The following LURAP1L variants were observed in gnomAD, a reference collection of about 807,000 sequenced individuals.
The protein encoded by LURAP1L is leucine rich adaptor protein 1 like.
Under a neutral mutation model 13.8 loss-of-function variants are expected in LURAP1L, and 12 were observed. That is an observed-to-expected ratio of 0.87 (90% CI 0.56 to 1.41). The LOEUF (loss-of-function observed/expected upper bound fraction) is 1.41, where lower values mean the gene tolerates loss of function less well. Ranked by LOEUF, LURAP1L falls within the 40% of genes most tolerant of loss-of-function variation. LURAP1L has a pLI of 0.00. For missense variants in LURAP1L, 375 were observed against 292.9 expected, an observed-to-expected ratio of 1.28 and a Z score of -2.04; for synonymous variants, 139 against 119.2, an observed-to-expected ratio of 1.17 and a Z score of -1.08.
chr9:12,799,222 C>G (rs1193845919), intron 1 of LURAP1L, among the ~76,000 whole-genome samples: 1 of 152,174 alleles, frequency 6.6e-6, no homozygotes, highest in Non-Finnish European at 1.5e-5. Flanking sequence ...GAACGCAGTA[C>G]TCTGACTCCA....
intron 1 of LURAP1L, among the ~76,000 whole-genome samples, chr9:12,807,755 T>C (rs1055136477): frequency 1.3e-5 from 2 of 148,768 alleles, no homozygotes; most frequent in African/African-American, 2.5e-5. Flanking sequence ...TCATTCATTC[T>C]TACTTTTTTC....
intron 1 of LURAP1L, among the ~76,000 whole-genome samples, chr9:12,805,857 G>T (rs1265143614): frequency 6.6e-6 from 1 of 152,144 alleles, no homozygotes; most frequent in East Asian, 1.9e-4. Context: ...TTGTGATCCA[G>T]TAGCAGTTGT....
chr9:12,783,654 T>A (rs896595178), intron 1 of LURAP1L, among the ~76,000 whole-genome samples: 71 of 152,228 alleles, frequency 4.7e-4, no homozygotes, highest in African/African-American at 1.6e-3. Flanking sequence ...GATATTGGCC[T>A]ATACTTTCTC....
chr9:12,817,990 C>G (rs1458164180), intron 1 of LURAP1L, among the ~76,000 whole-genome samples: 3 of 152,036 alleles, frequency 2.0e-5, no homozygotes, highest in Non-Finnish European at 4.4e-5. Flanking sequence ...AAGCTGTTTA[C>G]TCTCTCCCGG....
chr9:12,799,031 T>C (rs1480200655), intron 1 of LURAP1L, among the ~76,000 whole-genome samples: 1 of 152,192 alleles, frequency 6.6e-6, no homozygotes, highest in Non-Finnish European at 1.5e-5. Context: ...AAAATGTTCA[T>C]AGAATATGAA....
intron 1 of LURAP1L, among the ~76,000 whole-genome samples, chr9:12,789,610 G>T (rs1277262341): frequency 6.6e-6 from 1 of 152,110 alleles, no homozygotes; most frequent in Non-Finnish European, 1.5e-5. Context: ...TTGACTCTAT[G>T]ATTTTAGTCA....
Position 12,775,520 on chromosome 9 carries a change from T to C in LURAP1L, c.-196T>C, listed in dbSNP as rs1819156525. The C allele has an allele frequency of 5.3e-6, 4 of 755,454 alleles. No individual in the cohort carries two copies. In the African/African-American group the frequency reaches 5.5e-5, roughly 10 times the overall value. 46.8% of individuals were successfully genotyped at this position (755,454 alleles called of 1,614,324 possible). ...GTCGCAGCGGACTGGGAACTGCAGC[T>C]GCGACCCCCCGCGTCCTGTGCGGAT... On this transcript the variant is annotated 5_prime_UTR_variant, in exon 1 of 2. Coordinates refer to ENST00000319264, the MANE Select transcript of LURAP1L (RefSeq NM_203403.2).
chr9:12,821,873 G>GCTGAT lies in LURAP1L; in HGVS notation c.*114_*118dup. ...TAATAAGATGACCTTTTTAAAAGAA[G>GCTGAT]CTGATTTTGAAACTGCTTAATGGTA... On this transcript the variant is annotated 3_prime_UTR_variant, in exon 2 of 2. Coordinates refer to ENST00000319264, the MANE Select transcript of LURAP1L (RefSeq NM_203403.2). 7.5e-7 allele frequency: 1 copy of GCTGAT among 1,335,466 alleles called. No homozygotes were observed. The highest frequency in any genetic ancestry group is 1.0e-6 in the Non-Finnish European group (1 of 983,954). 82.7% of individuals were successfully genotyped at this position (1,335,466 alleles called of 1,614,324 possible).
intron 1 of LURAP1L, among the ~76,000 whole-genome samples, chr9:12,813,460 G>A (rs1474597663): frequency 1.3e-5 from 2 of 151,996 alleles, no homozygotes. Flanking sequence ...TTATGTTTAA[G>A]GACATTCTAT....
Position 12,821,910 on chromosome 9 carries a change from C to G in LURAP1L, c.*150C>G. ...ACTGCTTAATGGTATTGCTGTTGCTCCTAATACTTCTCATCTGAGCTGATT... is the reference window on the plus strand; with the variant it reads ...ACTGCTTAATGGTATTGCTGTTGCTGCTAATACTTCTCATCTGAGCTGATT... On this transcript the variant is annotated 3_prime_UTR_variant, in exon 2 of 2. Coordinates refer to ENST00000319264, the MANE Select transcript of LURAP1L (RefSeq NM_203403.2). The G allele has an allele frequency of 3.7e-6, 3 of 817,374 alleles. No homozygotes were observed. Among genetic ancestry groups the G allele is most frequent in the Non-Finnish European group, 5.7e-6 (3 of 525,144 alleles). The allele number at this position is 817,374 out of a possible 1,614,324, so 50.6% of individuals were successfully genotyped here. A position where few individuals can be genotyped will look rare whatever the true frequency, so the allele number is the denominator to read the frequency against.
intron 1 of LURAP1L, among the ~76,000 whole-genome samples, chr9:12,800,778 C>A (rs550535652): frequency 6.6e-5 from 10 of 152,276 alleles, no homozygotes; most frequent in African/African-American, 2.4e-4. Context: ...CAGCATCATG[C>A]TTCCTATATA....
At chr9:12,799,688 G>A (rs916571643) in intron 1 of LURAP1L, among the ~76,000 whole-genome samples, 1 of 152,096 alleles carries the variant, frequency 6.6e-6, no homozygotes, top group Non-Finnish European at 1.5e-5. Context: ...AGACCACTGT[G>A]GCTAACATGG....
chr9:12,800,381 A>G (rs1479317510), intron 1 of LURAP1L, among the ~76,000 whole-genome samples: 2 of 152,188 alleles, frequency 1.3e-5, no homozygotes, highest in Non-Finnish European at 2.9e-5. Context: ...CCAAGAGTTA[A>G]TTAGTAGAAG....
chr9:12,785,502 G>A (rs1586875954), intron 1 of LURAP1L, among the ~76,000 whole-genome samples: 1 of 152,130 alleles, frequency 6.6e-6, no homozygotes, highest in Admixed American at 6.6e-5. Flanking sequence ...GAGCACTTTA[G>A]CCTGCAGTGT....
intron 1 of LURAP1L, among the ~76,000 whole-genome samples, chr9:12,811,352 T>C (rs893368323): frequency 2.0e-5 from 3 of 152,206 alleles, no homozygotes; most frequent in Non-Finnish European, 2.9e-5. Context: ...CCTCAGGTTA[T>C]AGGGGATATA....
At chr9:12,793,171 C>T (rs1819467109) in intron 1 of LURAP1L, among the ~76,000 whole-genome samples, 1 of 151,954 alleles carries the variant, frequency 6.6e-6, no homozygotes, top group African/African-American at 2.4e-5. Context: ...CATCCCCCTC[C>T]CTCCAATTAT....
At chr9:12,797,385 A>C (rs776002129) in intron 1 of LURAP1L, among the ~76,000 whole-genome samples, 1 of 152,172 alleles carries the variant, frequency 6.6e-6, no homozygotes. Context: ...GCACACACAA[A>C]ATGTTAGGAG....
At chr9:12,790,580 G>C (rs1242590934) in intron 1 of LURAP1L, 1 of 151,538 alleles carries the variant, frequency 6.6e-6, no homozygotes, top group East Asian at 1.9e-4. Flanking sequence ...TCACTAAAAA[G>C]AAAAAAATAA....
intron 1 of LURAP1L, among the ~76,000 whole-genome samples, chr9:12,794,749 A>G (rs1819489719): frequency 6.6e-6 from 1 of 151,820 alleles, no homozygotes; most frequent in South Asian, 2.1e-4. Context: ...CCATTTAACA[A>G]CATAAATGTC....
Sources: allele counts gnomAD v4.1 joint callset (sites outside exome capture counted in the v4.1 genomes callset), GRCh38; gene constraint gnomAD v4.1.1; transcripts MANE v1.5; gene names NCBI Gene and HGNC (gene_info 2026-07-23, HGNC 2026-07-21).